MTMR3: variants seen among roughly 807,000 people sequenced by gnomAD.
MTMR3 encodes myotubularin related protein 3.
Under a neutral mutation model 132.4 loss-of-function variants are expected in MTMR3, and 32 were observed. The ratio of observed to expected loss-of-function variants is 0.24; its 90% confidence interval spans 0.18 to 0.32. The LOEUF is 0.32. Ranked by LOEUF, MTMR3 falls within the 10% of genes least tolerant of loss-of-function variation. The pLI is 1.00. For synonymous variants in MTMR3, 556 were observed against 550.3 expected (o/e 1.01, Z -0.14); for missense variants, 1,216 against 1,489.6 (o/e 0.82, Z 3.02).
At chr22:29,966,497 A>G (rs928467006) in intron 2 of MTMR3, among the ~76,000 whole-genome samples, 27 of 152,148 alleles carry the variant, frequency 1.8e-4, no homozygotes, top group African/African-American at 6.3e-4. Context: ...CATAGACTAG[A>G]TTATTATTTG....
At chr22:29,987,385 C>T (rs938314132) in intron 5 of MTMR3, 2 of 152,148 alleles carry the variant, frequency 1.3e-5, no homozygotes, top group Non-Finnish European at 2.9e-5. Context: ...TTCCTGTCTG[C>T]ATTGGAGGAG....
At chr22:29,914,005 C>T (rs1267817140) in intron 1 of MTMR3, among the ~76,000 whole-genome samples, 1 of 152,138 alleles carries the variant, frequency 6.6e-6, no homozygotes, top group Non-Finnish European at 1.5e-5. Flanking sequence ...CCACCTCAAC[C>T]TCCCAAAGTG....
chr22:29,910,792 C>T (rs1475476464), intron 1 of MTMR3, among the ~76,000 whole-genome samples: 1 of 151,178 alleles, frequency 6.6e-6, no homozygotes, highest in Non-Finnish European at 1.5e-5. Context: ...CCTCAACTCT[C>T]CACGGAAATC....
intron 1 of MTMR3, among the ~76,000 whole-genome samples, chr22:29,942,525 T>G (rs2065876478): frequency 6.6e-6 from 1 of 152,158 alleles, no homozygotes; most frequent in South Asian, 2.1e-4. Flanking sequence ...TAGGCGGGAA[T>G]TTCCTCTTCC....
At chr22:29,900,308 C>CT (rs953366942) in intron 1 of MTMR3, among the ~76,000 whole-genome samples, 4 of 151,868 alleles carry the variant, frequency 2.6e-5, no homozygotes, top group South Asian at 2.1e-4. Context: ...TTAGACTTCA[C>CT]TTTTTTTTGT....
Position 30,026,344 on chromosome 22 carries a change from G to A in MTMR3, c.*543G>A, listed in dbSNP as rs1437896358. On this transcript the variant is annotated 3_prime_UTR_variant, in exon 20 of 20. Transcript: ENST00000401950. ...GGGCATCATCTCCCTCCTGCGAGGA[G>A]CTGAGCCAGTCCCCTCACAGATGGA... 6.5e-6 allele frequency: 1 copy of A among 154,796 alleles called. No homozygotes were observed. The highest frequency in any genetic ancestry group is 1.4e-5 in the Non-Finnish European group (1 of 69,616). 9.6% of individuals were successfully genotyped at this position (154,796 alleles called of 1,614,324 possible).
At chr22:29,964,926 G>T (rs4820824) in intron 2 of MTMR3, among the ~76,000 whole-genome samples, 8 of 151,780 alleles carry the variant, frequency 5.3e-5, no homozygotes, top group Non-Finnish European at 1.0e-4. Flanking sequence ...TTTCTGATTC[G>T]GTACAGTTTA....
chr22:29,891,268 A>T (rs1458674524), intron 1 of MTMR3, among the ~76,000 whole-genome samples: 1 of 151,384 alleles, frequency 6.6e-6, no homozygotes, highest in Non-Finnish European at 1.5e-5. Context: ...TTCCTTTTTT[A>T]CCCTGGGGTG....
intron 1 of MTMR3, among the ~76,000 whole-genome samples, chr22:29,893,871 A>G (rs2064843448): frequency 6.6e-6 from 1 of 152,076 alleles, no homozygotes; most frequent in African/African-American, 2.4e-5. Flanking sequence ...TTTAAGACGG[A>G]GTCTCACTCT....
chr22:29,908,138 G>A (rs1032682807), intron 1 of MTMR3, among the ~76,000 whole-genome samples: 1 of 152,166 alleles, frequency 6.6e-6, no homozygotes, highest in African/African-American at 2.4e-5. Context: ...AAACCTGGGG[G>A]TGGGAAACAA....
rs2067917294 is a variant in MTMR3 at position 30,026,676 on chromosome 22, G to GGGTCCCCATTCTGGGGCCT, written c.*883_*901dup. ...GCCTGCCCTGAGCCCAGACACACCT[G>GGGTCCCCATTCTGGGGCCT]GGTCCCCATTCTGGGGCCTGGTCCC... On this transcript the variant is annotated 3_prime_UTR_variant, in exon 20 of 20. Coordinates refer to ENST00000401950, the MANE Select transcript of MTMR3 (RefSeq NM_021090.4). The GGGTCCCCATTCTGGGGCCT allele has an allele frequency of 6.5e-6, 1 of 152,882 alleles. No homozygotes were observed. Among genetic ancestry groups the GGGTCCCCATTCTGGGGCCT allele is most frequent in the Non-Finnish European group, 1.5e-5 (1 of 68,150 alleles). The allele number at this position is 152,882 out of a possible 1,614,324, so 9.5% of individuals were successfully genotyped here. A position where few individuals can be genotyped will look rare whatever the true frequency, so the allele number is the denominator to read the frequency against.
intron 1 of MTMR3, among the ~76,000 whole-genome samples, chr22:29,925,568 A>C (rs2065499413): frequency 6.6e-6 from 1 of 152,132 alleles, no homozygotes; most frequent in Admixed American, 6.5e-5. Flanking sequence ...TAAAAAAAAA[A>C]AAAACAGCTT....
At chr22:30,005,699 G>T (rs903092381) in intron 9 of MTMR3, 1 of 152,164 alleles carries the variant, frequency 6.6e-6, no homozygotes, top group Non-Finnish European at 1.5e-5. Context: ...GGTGATTTCA[G>T]TGGAATTTGA....
At position 29,935,621 on chromosome 22, in the gene MTMR3, A is replaced by G. The variant is rs192363504; in HGVS notation, c.-137-21415A>G. 4.5e-3 allele frequency among the ~76,000 whole-genome samples: 682 copies of G among 152,318 alleles called. 6 individuals are homozygous for G. Among genetic ancestry groups the G allele is most frequent in the African/African-American group, 0.015 (643 of 41,592 alleles). On this transcript the variant is annotated intron_variant, in intron 1 of 19. Transcript: ENST00000401950. Reference sequence around the variant, plus strand: ...TAGAAGTAACACTGCCACAAATTGTAGAGAATAGAATAAAAGAAGGAAAGC... The same window carrying G: ...TAGAAGTAACACTGCCACAAATTGTGGAGAATAGAATAAAAGAAGGAAAGC...
At chr22:30,005,658 G>A (rs2067259063) in intron 9 of MTMR3, 1 of 152,144 alleles carries the variant, frequency 6.6e-6, no homozygotes, top group South Asian at 2.1e-4. Flanking sequence ...TGTCTCCCAG[G>A]GAGGGAGGCT....
intron 2 of MTMR3, among the ~76,000 whole-genome samples, chr22:29,960,752 G>T (rs770636640): frequency 4.0e-5 from 6 of 151,888 alleles, no homozygotes; most frequent in Non-Finnish European, 8.8e-5. Flanking sequence ...CAAGGTCATA[G>T]AGTTAGTATA....
chr22:29,941,288 A>T (rs900897652), intron 1 of MTMR3, among the ~76,000 whole-genome samples: 2 of 152,000 alleles, frequency 1.3e-5, no homozygotes, highest in African/African-American at 4.8e-5. Flanking sequence ...AATATACCAC[A>T]ATTTGTTTAT....
At position 30,025,673 on chromosome 22, in the gene MTMR3, G is replaced by A; in HGVS notation, c.3469G>A (p.Val1157Ile). The A allele has an allele frequency of 6.2e-7, 1 of 1,614,184 alleles. No individual in the cohort carries two copies. The highest frequency in any genetic ancestry group is 8.5e-7 in the Non-Finnish European group (1 of 1,180,030). Residue 1157 changes from valine (V) to isoleucine (I), a missense_variant, in exon 20 of 20, where the codon GTT (valine) becomes ATT (isoleucine). Around this residue, in one of 7 missense-constraint regions of MTMR3, gnomAD observed 852 missense variants for 852.0 expected, o/e 1.00. Transcript: ENST00000401950. Reference sequence around the variant, plus strand: ...CTGCTCCAGTTGTTGTAACCAGAAGGTTCCAGTTCCCAGCCAGCAGCTCTT... The same window carrying A: ...CTGCTCCAGTTGTTGTAACCAGAAGATTCCAGTTCCCAGCCAGCAGCTCTT... ...VFCSSCCNQK[V>I]PVPSQQLFEP... is the part of the protein sequence containing the mutation.
chr22:30,022,219 C>T, intron 18 of MTMR3, 80 bp downstream of exon 18: 1 of 1,165,752 alleles, frequency 8.6e-7, no homozygotes. Context: ...CCACCCCATA[C>T]CCCTGGCCAA....
Sources: allele counts gnomAD v4.1 joint callset (sites outside exome capture counted in the v4.1 genomes callset), GRCh38; gene constraint gnomAD v4.1.1; regional missense constraint gnomAD v4.1.1; transcripts MANE v1.5; gene names NCBI Gene and HGNC (gene_info 2026-07-23, HGNC 2026-07-21).